The following HSD11B1 variants were observed in gnomAD, a reference collection of about 807,000 sequenced individuals.
HSD11B1 encodes the protein 11-beta-hydroxysteroid dehydrogenase 1.
In HSD11B1, 15 loss-of-function variants were observed where a neutral mutation model predicts 22.1. The ratio of observed to expected loss-of-function variants is 0.68; its 90% confidence interval spans 0.45 to 1.04. The LOEUF (loss-of-function observed/expected upper bound fraction) is 1.04, where lower values mean the gene tolerates loss of function less well. Among genes scored for constraint, HSD11B1 ranks in the 50% least tolerant of loss-of-function variants. The probability of loss-of-function intolerance (pLI) is 0.00; values close to 1 mark genes in which losing one functional copy is unlikely to be tolerated. For missense variants in HSD11B1, 281 were observed against 357.6 expected (o/e 0.79, Z 1.73); for synonymous variants, 122 against 125.2 (o/e 0.97, Z 0.17).
At chr1:209,731,098 G>T (rs2077033208) in intron 4 of HSD11B1, among the ~76,000 whole-genome samples, 1 of 152,202 alleles carries the variant, frequency 6.6e-6, no homozygotes, top group Non-Finnish European at 1.5e-5. Context: ...GTAATAGCTG[G>T]AATGCAAAGG....
At chr1:209,721,137 C>T (rs2076962836) in intron 4 of HSD11B1, among the ~76,000 whole-genome samples, 1 of 152,176 alleles carries the variant, frequency 6.6e-6, no homozygotes, top group Admixed American at 6.5e-5. Context: ...GGGGGGAATG[C>T]GGCCCTGCCA....
chr1:209,706,636 C>A lies in HSD11B1; in HGVS notation c.220-73C>A, dbSNP rs958176831. On this transcript the variant is annotated intron_variant, in intron 2 of 5. Transcript: ENST00000367027. The surrounding 1 kb of genome is among the most constrained non-coding windows in gnomAD (Gnocchi z 4.0). ...CTGTGAGCAATCTCTCATTTAAGCC[C>A]CCCGTTACTTCAGAGACTACCCCCC... The A allele has an allele frequency of 1.1e-5, 10 of 947,932 alleles. No homozygotes were observed. In the African/African-American group the frequency reaches 1.6e-4, roughly 15 times the overall value. 58.7% of individuals were successfully genotyped at this position (947,932 alleles called of 1,614,324 possible).
At chr1:209,699,598 T>C (rs1662559876) in intron 1 of HSD11B1, among the ~76,000 whole-genome samples, 1 of 152,110 alleles carries the variant, frequency 6.6e-6, no homozygotes, top group Admixed American at 6.5e-5. Context: ...AACCATATCA[T>C]TCCACCCCTG....
At chr1:209,715,412 TA>T (rs552449604) in intron 4 of HSD11B1, among the ~76,000 whole-genome samples, 86 of 143,362 alleles carry the variant, frequency 6.0e-4, no homozygotes, top group South Asian at 4.4e-3. Flanking sequence ...CATTCTCCAC[TA>T]AAAAAAAAAA....
chr1:209,703,268 T>C (rs2076835623), upstream of HSD11B1, among the ~76,000 whole-genome samples: 1 of 152,186 alleles, frequency 6.6e-6, no homozygotes, highest in Admixed American at 6.5e-5. Flanking sequence ...TTGTTTCCTA[T>C]AATTTTACTA....
At chr1:209,688,486 G>T (rs935059588) in intron 1 of HSD11B1, among the ~76,000 whole-genome samples, 4 of 152,180 alleles carry the variant, frequency 2.6e-5, no homozygotes, top group Non-Finnish European at 5.9e-5. Context: ...GTGAGGCTTT[G>T]TATTCCCAGC....
chr1:209,688,629 T>C (rs2076741757), intron 1 of HSD11B1, among the ~76,000 whole-genome samples: 1 of 152,186 alleles, frequency 6.6e-6, no homozygotes, highest in Non-Finnish European at 1.5e-5. Context: ...TGCTCTTGAC[T>C]CTTCAGTAAC....
chr1:209,694,770 A>C (rs2076780736), intron 1 of HSD11B1, among the ~76,000 whole-genome samples: 1 of 152,192 alleles, frequency 6.6e-6, no homozygotes, highest in Non-Finnish European at 1.5e-5. Flanking sequence ...CTTATGCTTT[A>C]TACGTTATTC....
At position 209,689,604 on chromosome 1, in the gene HSD11B1, A is replaced by C. The variant is rs146281085; in HGVS notation, c.-49+3319A>C. Among the ~76,000 whole-genome samples the C allele has an allele frequency of 8.9e-3, 1,360 of 152,264 alleles. 12 individuals are homozygous for C. Among genetic ancestry groups the C allele is most frequent in the Middle Eastern group, 0.017 (5 of 294 alleles). On this transcript the variant is annotated intron_variant, in intron 1 of 6. Coordinates refer to the HSD11B1 transcript ENST00000261465. The stretch of plus-strand genomic sequence containing the variant: ...GGTGCCATGCTCATAGTAATGAGTG[A>C]ATTCTTACTCTATGAGTTCCTGCAA...
chr1:209,734,572 C>A lies in HSD11B1; in HGVS notation c.*51C>A. 7.6e-7 allele frequency: 1 copy of A among 1,312,306 alleles called. No individual in the cohort carries two copies. The highest frequency in any genetic ancestry group is 1.1e-6 in the Non-Finnish European group (1 of 911,548). The allele number at this position is 1,312,306 out of a possible 1,614,324, so 81.3% of individuals were successfully genotyped here. A position where few individuals can be genotyped will look rare whatever the true frequency, so the allele number is the denominator to read the frequency against. ...GAGGGATTTTGGGACTGTTCTGTCTCATGTTTATCTGAGCTCTTATCTATG... is the reference window on the plus strand; with the variant it reads ...GAGGGATTTTGGGACTGTTCTGTCTAATGTTTATCTGAGCTCTTATCTATG... On this transcript the variant is annotated 3_prime_UTR_variant, in exon 6 of 6. Transcript: ENST00000367027.
At chr1:209,700,623 T>G (rs528571034), upstream of HSD11B1, among the ~76,000 whole-genome samples, 1 of 152,374 alleles carries the variant, frequency 6.6e-6, no homozygotes, top group South Asian at 2.1e-4. Context: ...TTGCTACGTA[T>G]GCAAATTTCA....
At chr1:209,717,624 G>A (rs1011860945) in intron 4 of HSD11B1, among the ~76,000 whole-genome samples, 5 of 152,148 alleles carry the variant, frequency 3.3e-5, no homozygotes, top group Admixed American at 2.0e-4. Context: ...GGGAGGCCAA[G>A]GTGGACAGAT....
chr1:209,699,077 T>C (rs2076810649), intron 1 of HSD11B1, among the ~76,000 whole-genome samples: 1 of 152,092 alleles, frequency 6.6e-6, no homozygotes, highest in Admixed American at 6.5e-5. Context: ...ACTTCTCCCC[T>C]CGTTAGACAC....
chr1:209,711,096 G>A lies in HSD11B1; in HGVS notation c.517+3968G>A, dbSNP rs184856159. ...GGATCTTAACCTATTTGTCAGTGGA[G>A]GTCTGCCTGTGTGGTCTAAATCTAT... On this transcript the variant is annotated intron_variant, in intron 4 of 5. Transcript: ENST00000367027. 4.4e-4 allele frequency among the ~76,000 whole-genome samples: 67 copies of A among 152,276 alleles called. 1 individual carries two copies. Among genetic ancestry groups the A allele is most frequent in the Admixed American group, 1.4e-3 (22 of 15,292 alleles).
chr1:209,688,335 T>C (rs571417754), intron 1 of HSD11B1, among the ~76,000 whole-genome samples: 37 of 152,318 alleles, frequency 2.4e-4, no homozygotes, highest in African/African-American at 7.9e-4. Flanking sequence ...CCTGCTGCCA[T>C]GGCCTGTCCC....
In HSD11B1 at chr1:209,706,874, G is replaced by A. The variant is rs2076863039; in HGVS notation, c.331+54G>A. ...TGAACTTTGCCCTTGGGGTCACCAA[G>A]AGCTTTTGGGAGGAGAATGGGAAAG... On this transcript the variant is annotated intron_variant, in intron 3 of 5. Coordinates refer to ENST00000367027, the MANE Select transcript of HSD11B1 (RefSeq NM_005525.4). This position sits in a 1 kb window ranked among gnomAD's most constrained non-coding sequence, Gnocchi z 4.0. 1.9e-6 allele frequency: 3 copies of A among 1,606,874 alleles called. No homozygotes were observed. In the South Asian group the frequency reaches 3.3e-5, roughly 18 times the overall value.
intron 4 of HSD11B1, among the ~76,000 whole-genome samples, chr1:209,707,419 A>G (rs191041025): frequency 6.8e-6 from 1 of 146,600 alleles, no homozygotes; most frequent in East Asian, 2.1e-4. Flanking sequence ...TAGTTACAAT[A>G]TTAACTTGAA....
intron 4 of HSD11B1, among the ~76,000 whole-genome samples, chr1:209,725,983 T>C: frequency 6.6e-6 from 1 of 152,216 alleles, no homozygotes; most frequent in Admixed American, 6.5e-5. Flanking sequence ...TAAAGGCTAA[T>C]CGTTTTTCAG....
At chr1:209,692,607 C>CGGGGTTG (rs1553286691) in intron 1 of HSD11B1, among the ~76,000 whole-genome samples, 3 of 48,226 alleles carry the variant, frequency 6.2e-5, no homozygotes, top group Non-Finnish European at 1.2e-4. Context: ...ATTAAAATGG[C>CGGGGTTG]GGGGGGGGGG....
Sources: allele counts gnomAD v4.1 joint callset (sites outside exome capture counted in the v4.1 genomes callset), GRCh38; gene constraint gnomAD v4.1.1; non-coding constraint Gnocchi (gnomAD v3.1); transcripts MANE v1.5; gene names NCBI Gene and HGNC (gene_info 2026-07-23, HGNC 2026-07-21).